NPC1L1: variants seen among roughly 807,000 people sequenced by gnomAD.
The protein encoded by NPC1L1 is NPC1 like intracellular cholesterol transporter 1.
NPC1L1 carries 98 observed loss-of-function variants against 117.0 expected under a neutral mutation model. That is an observed-to-expected ratio of 0.84 (90% CI 0.71 to 0.99). The LOEUF (loss-of-function observed/expected upper bound fraction) is 0.99. Ranked by LOEUF, NPC1L1 falls within the 50% of genes least tolerant of loss-of-function variation. NPC1L1 has a pLI of 0.00. For missense variants in NPC1L1, 1,540 were observed against 1,710.0 expected (o/e 0.90, Z 1.75); for synonymous variants, 729 against 727.6 (o/e 1.00, Z -0.03).
At chr7:44,513,678 A>C in intron 18 of NPC1L1, 29 bp from the exon 19 acceptor site, 1 of 1,607,764 alleles carries the variant, frequency 6.2e-7, no homozygotes, top group South Asian at 1.1e-5. Flanking sequence ...CCACAGTCAG[A>C]GAGGTGGGCA....
chr7:44,532,311 T>TGGCC, intron 8 of NPC1L1, 94 bp from the exon 9 acceptor site: 1 of 1,518,906 alleles, frequency 6.6e-7, no homozygotes, highest in Non-Finnish European at 9.1e-7. Flanking sequence ...CTTCTGTGGG[T>TGGCC]GGCCCGTGCC....
chr7:44,521,961 A>G (rs1801373214), intron 11 of NPC1L1, 91 bp downstream of exon 11: 1 of 1,594,000 alleles, frequency 6.3e-7, no homozygotes, highest in Admixed American at 1.7e-5. Flanking sequence ...GCAGCAGGAC[A>G]GGGATAGAAC....
chr7:44,536,365 C>T lies in NPC1L1; in HGVS notation c.1745G>A (p.Gly582Glu), dbSNP rs760712932. The T allele has an allele frequency of 1.9e-6, 3 of 1,614,212 alleles. No individual in the cohort carries two copies. Among genetic ancestry groups the T allele is most frequent in the Non-Finnish European group, 1.7e-6 (2 of 1,180,034 alleles). ...MTFSLNNYPAGDPRLAQAKLW... is the reference protein window; with the variant it reads ...MTFSLNNYPAEDPRLAQAKLW... Reference sequence around the variant, plus strand: ...CTTGGCCTGGGCCAGACGGGGGTCCCCGGCAGGGTAATTGTTGAGGGAGAA... The same window carrying T: ...CTTGGCCTGGGCCAGACGGGGGTCCTCGGCAGGGTAATTGTTGAGGGAGAA... Residue 582 changes from glycine (G) to glutamate (E), a missense_variant, in exon 4 of 19, where the codon GGG (glycine) becomes GAG (glutamate). By Grantham distance (98) the Gly-to-Glu change is moderately conservative. Around this residue, in one of 3 missense-constraint regions of NPC1L1, gnomAD observed 793 missense variants for 820.4 expected, o/e 0.97. Transcript: ENST00000381160. This position sits in a 1 kb window ranked among gnomAD's most constrained non-coding sequence, Gnocchi z 4.7.
intron 1 of NPC1L1, among the ~76,000 whole-genome samples, chr7:44,540,884 A>G (rs1802080684): frequency 6.6e-6 from 1 of 151,836 alleles, no homozygotes; most frequent in Non-Finnish European, 1.5e-5. Context: ...AGGTAACCCC[A>G]TCCCAGCACC....
At chr7:44,533,405 C>T in intron 8 of NPC1L1, 26 bp downstream of exon 8, 1 of 1,613,192 alleles carries the variant, frequency 6.2e-7, no homozygotes. Flanking sequence ...GGGCAGGTCC[C>T]TCAGTACTGG....
chr7:44,535,258 G>A (rs1042647249), intron 5 of NPC1L1, among the ~76,000 whole-genome samples: 7 of 152,058 alleles, frequency 4.6e-5, no homozygotes, highest in East Asian at 3.9e-4. Flanking sequence ...CCAGCTACTC[G>A]GGAGGCTGAG....
chr7:44,513,670 A>G, intron 18 of NPC1L1, 21 bp from the exon 19 acceptor site: 1 of 1,610,200 alleles, frequency 6.2e-7, no homozygotes, highest in Non-Finnish European at 8.5e-7. Context: ...ACAGAGAACC[A>G]CAGTCAGAGA....
chr7:44,533,675 T>A, intron 7 of NPC1L1, 64 bp downstream of exon 7: 1 of 1,607,368 alleles, frequency 6.2e-7, no homozygotes, highest in South Asian at 1.1e-5. Context: ...CTCTGGGAAC[T>A]CCTAGGCCCC....
Position 44,521,071 on chromosome 7 carries a change from C to T in NPC1L1, c.3001G>A (p.Val1001Met), listed in dbSNP as rs199845108. The change falls in exon 13 of 19, where the codon GTG (valine) becomes ATG (methionine). Residue 1001 changes from valine to methionine, a missense_variant. Val to Met is a conservative substitution (Grantham distance 21). Around this residue, in one of 3 missense-constraint regions of NPC1L1, gnomAD observed 742 missense variants for 873.6 expected, o/e 0.85. Coordinates refer to ENST00000381160, the MANE Select transcript of NPC1L1 (RefSeq NM_001101648.2). Reference protein sequence around the residue: ...KNCMSITMGSVRPSVEQFHKY... With the variant: ...KNCMSITMGSMRPSVEQFHKY... Reference sequence around the variant, plus strand: ...TGGAACTGCTCCACCGAGGGCCTCACAGAGCCCATCGTGATGCTCATGCAG... The same window carrying T: ...TGGAACTGCTCCACCGAGGGCCTCATAGAGCCCATCGTGATGCTCATGCAG... The T allele has an allele frequency of 1.9e-6, 3 of 1,614,218 alleles. No homozygotes were observed. Among genetic ancestry groups the T allele is most frequent in the Admixed American group, 3.3e-5 (2 of 60,026 alleles).
At position 44,534,525 on chromosome 7, in the gene NPC1L1, C is replaced by T. The variant is rs772991463; in HGVS notation, c.2088G>A (p.Leu696=). 3.1e-6 allele frequency: 5 copies of T among 1,614,168 alleles called. No homozygotes were observed. The highest frequency in any genetic ancestry group is 4.2e-6 in the Non-Finnish European group (5 of 1,180,024). The change falls in exon 6 of 19, where the codon CTG becomes CTA. Residue 696 remains leucine, a synonymous_variant. Coordinates refer to ENST00000381160, the MANE Select transcript of NPC1L1 (RefSeq NM_001101648.2). The surrounding 1 kb of genome is among the most constrained non-coding windows in gnomAD (Gnocchi z 5.2). ...GGAAAGGAACCACTTGCAGGATGACCAGGGAGGAGCGGATACCCAAGTAGG... is the reference window on the plus strand; with the variant it reads ...GGAAAGGAACCACTTGCAGGATGACTAGGGAGGAGCGGATACCCAAGTAGG... The part of the protein sequence containing the change: ...FFSYLGIRSS[L]VILQVVPFLV...
intron 14 of NPC1L1, 38 bp from the exon 15 acceptor site, chr7:44,517,395 G>T: frequency 6.2e-7 from 1 of 1,604,678 alleles, no homozygotes; most frequent in Non-Finnish European, 8.5e-7. Context: ...GAAGGGCAAA[G>T]GTCAGAGCCC....
rs574830663 is a variant in NPC1L1 at position 44,536,481 on chromosome 7, C to T, written c.1682-53G>A. On this transcript the variant is annotated intron_variant, in intron 3 of 18. Coordinates refer to ENST00000381160, the MANE Select transcript of NPC1L1 (RefSeq NM_001101648.2). This position sits in a 1 kb window ranked among gnomAD's most constrained non-coding sequence, Gnocchi z 4.7. ...CTGCTGCACCCGTGCCTCCCTCCCC[C>T]TCCAGCTGCACCCCTATATTCCCTC... is the stretch of plus-strand genomic sequence containing the variant. 4.5e-5 allele frequency: 71 copies of T among 1,588,734 alleles called. No homozygotes were observed. In the Middle Eastern group the frequency reaches 4.9e-4, roughly 11 times the overall value.
rs765410944 is a variant in NPC1L1, at chr7:44,517,348, A to AAC, written c.3144_3145dup (p.Phe1049CysfsTer9). On this transcript the variant is annotated frameshift_variant, in exon 15 of 19. Coordinates refer to ENST00000381160, the MANE Select transcript of NPC1L1 (RefSeq NM_001101648.2). LOFTEE classifies it high-confidence loss of function. ...TTTCAGGGGCTTGTGATAGGCCATG[A>AAC]ACCTGGAGGCTGGACAGCCATGGCA... The AAC allele has an allele frequency of 6.2e-7, 1 of 1,612,206 alleles. No individual in the cohort carries two copies. The highest frequency in any genetic ancestry group is 8.5e-7 in the Non-Finnish European group (1 of 1,180,024).
rs1415969692 is a variant in NPC1L1 at position 44,521,792 on chromosome 7, A to G, written c.2873T>C (p.Ile958Thr). The part of the protein sequence containing the change: ...IPASSWVDDF[I>T]DWLTPSSCCR... ...GCAGGAGGACGGGGTCAGCCAGTCA[A>G]TGAAGTCATCCACCCAGGAGGAGGC... The change falls in exon 12 of 19, where the codon ATT (isoleucine) becomes ACT (threonine). Residue 958 changes from isoleucine (I) to threonine (T), a missense_variant. Ile to Thr is a moderately conservative substitution (Grantham distance 89). Transcript: ENST00000381160. 3 of 1,614,072 alleles carry G rather than the reference A, an allele frequency of 1.9e-6. No individual in the cohort carries two copies. The highest frequency in any genetic ancestry group is 2.7e-5 in the African/African-American group (2 of 74,922).
In NPC1L1 at chr7:44,534,439, C is replaced by G; in HGVS notation, c.2166+8G>C. 6.8e-6 allele frequency: 11 copies of G among 1,613,978 alleles called. No individual in the cohort carries two copies. Among genetic ancestry groups the G allele is most frequent in the Non-Finnish European group, 9.3e-6 (11 of 1,179,890 alleles). On this transcript the variant is annotated splice_region_variant and intron_variant, in intron 6 of 18. Transcript: ENST00000381160. The surrounding 1 kb of genome is among the most constrained non-coding windows in gnomAD (Gnocchi z 5.2). ...AGTTGGGGGTGTGGAGAGCTCCTCC[C>G]TTCTTACCTGGTACTCGAGAACAAA...
intron 11 of NPC1L1, 57 bp from the exon 12 acceptor site, chr7:44,521,893 T>C: frequency 2.5e-6 from 4 of 1,611,590 alleles, no homozygotes; most frequent in Non-Finnish European, 3.4e-6. Context: ...TGGTGGGTCC[T>C]TCTCGTGGCC....
chr7:44,537,005 C>T (rs2117075000), intron 2 of NPC1L1, 63 bp from the exon 3 acceptor site: 2 of 1,320,364 alleles, frequency 1.5e-6, no homozygotes, highest in African/African-American at 1.5e-5. Flanking sequence ...CCTATGGCCC[C>T]TCCCTTCCCC....
At chr7:44,528,667 AC>A (rs1260300561) in intron 10 of NPC1L1, among the ~76,000 whole-genome samples, 2 of 152,238 alleles carry the variant, frequency 1.3e-5, no homozygotes, top group Non-Finnish European at 2.9e-5. Context: ...GAAATGAGAA[AC>A]AAAAAATCTA....
chr7:44,536,367 G>C lies in NPC1L1; in HGVS notation c.1743C>G (p.Ala581=), dbSNP rs754057092. Residue 581 remains alanine (A), a synonymous_variant, in exon 4 of 19, where the codon GCC becomes GCG. Coordinates refer to ENST00000381160, the MANE Select transcript of NPC1L1 (RefSeq NM_001101648.2). This position sits in a 1 kb window ranked among gnomAD's most constrained non-coding sequence, Gnocchi z 4.7. The part of the protein sequence containing the change: ...IMTFSLNNYP[A]GDPRLAQAKL... ...TGGCCTGGGCCAGACGGGGGTCCCCGGCAGGGTAATTGTTGAGGGAGAACG... is the reference window on the plus strand; with the variant it reads ...TGGCCTGGGCCAGACGGGGGTCCCCCGCAGGGTAATTGTTGAGGGAGAACG... The C allele has an allele frequency of 6.2e-7, 1 of 1,614,200 alleles. No homozygotes were observed. The highest frequency in any genetic ancestry group is 1.1e-5 in the South Asian group (1 of 91,092).
Sources: allele counts gnomAD v4.1 joint callset (sites outside exome capture counted in the v4.1 genomes callset), GRCh38; gene constraint gnomAD v4.1.1; regional missense constraint gnomAD v4.1.1; non-coding constraint Gnocchi (gnomAD v3.1); transcripts MANE v1.5; gene names NCBI Gene and HGNC (gene_info 2026-07-23, HGNC 2026-07-21).